MALRD1: variants seen among roughly 807,000 people sequenced by gnomAD.
MALRD1 encodes MAM and LDL-receptor class A domain-containing protein 1.
Under a neutral mutation model 242.1 loss-of-function variants are expected in MALRD1, and 247 were observed. The ratio of observed to expected loss-of-function variants is 1.02; its 90% CI spans 0.92 to 1.13. The LOEUF (loss-of-function observed/expected upper bound fraction) is 1.13, where lower values mean the gene tolerates loss of function less well. Ranked by LOEUF, MALRD1 falls within the 50% of genes most tolerant of loss-of-function variation. The pLI is 0.00. For synonymous variants in MALRD1, 995 were observed against 866.6 expected (o/e 1.15, Z -2.60); for missense variants, 2,989 against 2,533.1 (o/e 1.18, Z -3.86).
At chr10:19,734,036 T>G (rs941418963) in intron 39 of MALRD1, 121 bp from the exon 40 acceptor site, 12 of 696,530 alleles carry the variant, frequency 1.7e-5, no homozygotes, top group Non-Finnish European at 2.8e-5. Context: ...TCAGGGATGT[T>G]CTAGTTATTA....
At chr10:19,108,036 C>A (rs1249045045) in intron 5 of MALRD1, among the ~76,000 whole-genome samples, 2 of 152,018 alleles carry the variant, frequency 1.3e-5, no homozygotes, top group Non-Finnish European at 2.9e-5. Context: ...TCATATTTGT[C>A]CCAAGGCTTG....
chr10:19,580,164 T>C (rs756588348), intron 33 of MALRD1, among the ~76,000 whole-genome samples: 1 of 152,212 alleles, frequency 6.6e-6, no homozygotes, highest in Non-Finnish European at 1.5e-5. Flanking sequence ...ATTTTTAATA[T>C]ATTCTATCAC....
chr10:19,283,630 T>C (rs1008765589), intron 21 of MALRD1, among the ~76,000 whole-genome samples: 2 of 152,102 alleles, frequency 1.3e-5, no homozygotes, highest in African/African-American at 4.8e-5. Context: ...GTATTTGTCA[T>C]ACATGTATGA....
chr10:19,219,682 C>G (rs551205931), intron 18 of MALRD1, among the ~76,000 whole-genome samples: 1 of 152,266 alleles, frequency 6.6e-6, no homozygotes, highest in South Asian at 2.1e-4. Flanking sequence ...CCTTGGCCTC[C>G]CAGAGTGTTG....
intron 17 of MALRD1, among the ~76,000 whole-genome samples, chr10:19,208,374 G>A (rs1399869027): frequency 6.6e-6 from 1 of 152,292 alleles, no homozygotes; most frequent in East Asian, 1.9e-4. Flanking sequence ...TGCAGGCTAT[G>A]GGGAAGAATA....
At chr10:19,164,935 A>AGCTTCCACGTTATTTGTTAAT (rs1698581224) in intron 12 of MALRD1, among the ~76,000 whole-genome samples, 4 of 152,072 alleles carry the variant, frequency 2.6e-5, no homozygotes, top group African/African-American at 9.7e-5. Context: ...GTATCCTGTG[A>AGCTTCCACGTTATTTGTTAAT]GCTTCCACGT....
chr10:19,669,533 G>A (rs779153968), intron 36 of MALRD1, among the ~76,000 whole-genome samples: 8 of 152,080 alleles, frequency 5.3e-5, no homozygotes, highest in Non-Finnish European at 1.2e-4. Context: ...ACATTTGTAA[G>A]TTTCCCTTTC....
At chr10:19,266,853 T>C (rs905682211) in intron 19 of MALRD1, among the ~76,000 whole-genome samples, 2 of 152,024 alleles carry the variant, frequency 1.3e-5, no homozygotes. Context: ...CGGTGAGGAA[T>C]GATGACAAAG....
intron 21 of MALRD1, among the ~76,000 whole-genome samples, chr10:19,314,434 A>G (rs1294598284): frequency 2.0e-5 from 3 of 151,612 alleles, no homozygotes; most frequent in African/African-American, 7.3e-5. Context: ...TGTGCCCAGA[A>G]GAAAGACCAA....
chr10:19,420,655 T>C (rs1833687942), intron 28 of MALRD1, among the ~76,000 whole-genome samples: 1 of 152,168 alleles, frequency 6.6e-6, no homozygotes, highest in Non-Finnish European at 1.5e-5. Context: ...ATTGTGTCTT[T>C]TAGAGTCTTT....
At chr10:19,476,181 G>A (rs1836719993) in intron 29 of MALRD1, among the ~76,000 whole-genome samples, 3 of 152,138 alleles carry the variant, frequency 2.0e-5, no homozygotes, top group Admixed American at 2.0e-4. Flanking sequence ...GATCTCAGCA[G>A]TAGGTGTTTA....
chr10:19,113,792 T>TACACACACACAC lies in MALRD1; in HGVS notation c.695-9672_695-9661dup, dbSNP rs753384799. Among the ~76,000 whole-genome samples the TACACACACACAC allele has an allele frequency of 1.9e-3, 251 of 134,536 alleles. 3 individuals carry two copies. The highest frequency in any genetic ancestry group is 5.1e-3 in the African/African-American group (178 of 34,806). The allele number at this position is 134,536 out of a possible 152,430, so 88.3% of individuals were successfully genotyped here. A position where few individuals can be genotyped will look rare whatever the true frequency, so the allele number is the denominator to read the frequency against. On this transcript the variant is annotated intron_variant, in intron 5 of 39. Transcript: ENST00000454679. ...CCTCCACATTGCCACTACCACCCCC[T>TACACACACACAC]ACACACACACACACACACACACACA...
At chr10:19,465,459 C>A (rs184917865) in intron 29 of MALRD1, among the ~76,000 whole-genome samples, 26 of 152,210 alleles carry the variant, frequency 1.7e-4, no homozygotes, top group Middle Eastern at 3.4e-3. Flanking sequence ...TTTCACCTAA[C>A]CCCATGTTCT....
chr10:19,292,245 C>G (rs1010327948), intron 21 of MALRD1, among the ~76,000 whole-genome samples: 2 of 151,890 alleles, frequency 1.3e-5, no homozygotes, highest in Non-Finnish European at 2.9e-5. Flanking sequence ...ATGTTTTTTT[C>G]TGTCGTTTTT....
chr10:19,717,347 G>A (rs957467228), intron 38 of MALRD1, among the ~76,000 whole-genome samples: 2 of 152,106 alleles, frequency 1.3e-5, no homozygotes, highest in Admixed American at 6.6e-5. Context: ...AATTTTTGAG[G>A]ATTTATCAAA....
intron 18 of MALRD1, among the ~76,000 whole-genome samples, chr10:19,247,876 G>A (rs1163366318): frequency 6.6e-6 from 1 of 151,986 alleles, no homozygotes; most frequent in Non-Finnish European, 1.5e-5. Context: ...ATTGAGCAAG[G>A]AAAGATTCAC....
At chr10:19,432,280 T>A (rs1834164720) in intron 28 of MALRD1, among the ~76,000 whole-genome samples, 1 of 152,222 alleles carries the variant, frequency 6.6e-6, no homozygotes, top group Non-Finnish European at 1.5e-5. Context: ...GAATATCACC[T>A]ATGTAAATGA....
At chr10:19,541,973 G>T (rs1427026550) in intron 32 of MALRD1, among the ~76,000 whole-genome samples, 1 of 152,064 alleles carries the variant, frequency 6.6e-6, no homozygotes, top group African/African-American at 2.4e-5. Context: ...AAAATGAAAA[G>T]GTCGACACTC....
At chr10:19,179,024 T>C (rs990633492) in intron 14 of MALRD1, among the ~76,000 whole-genome samples, 3 of 152,212 alleles carry the variant, frequency 2.0e-5, no homozygotes, top group African/African-American at 4.8e-5. Context: ...AATGAAAACG[T>C]CCTGCTAACT....
Sources: allele counts gnomAD v4.1 joint callset (sites outside exome capture counted in the v4.1 genomes callset), GRCh38; gene constraint gnomAD v4.1.1; transcripts MANE v1.5; gene names NCBI Gene and HGNC (gene_info 2026-07-23, HGNC 2026-07-21).